The following ASB3 variants were observed in gnomAD, a reference collection of about 807,000 sequenced individuals.
ASB3 encodes ankyrin repeat and SOCS box protein 3.
Under a neutral mutation model 54.5 loss-of-function variants are expected in ASB3, and 41 were observed. The ratio of observed to expected loss-of-function variants is 0.75; its 90% CI spans 0.59 to 0.98. The LOEUF is 0.98. Ranked by LOEUF, ASB3 falls within the 50% of genes least tolerant of loss-of-function variation. The pLI, the probability that ASB3 is intolerant of heterozygous loss-of-function variation, is 0.00. For missense variants in ASB3, 733 were observed against 620.0 expected (o/e 1.18, Z -1.94); for synonymous variants, 266 against 221.2 (o/e 1.20, Z -1.80).
intron 3 of ASB3, among the ~76,000 whole-genome samples, chr2:53,742,307 T>C (rs1392210009): frequency 6.6e-6 from 1 of 151,976 alleles, no homozygotes; most frequent in Non-Finnish European, 1.5e-5. Flanking sequence ...ATTATAAACC[T>C]CCTGAAAGCA....
chr2:53,728,948 A>G, intron 4 of ASB3, 101 bp from the exon 5 acceptor site: 2 of 1,338,862 alleles, frequency 1.5e-6, no homozygotes, highest in Non-Finnish European at 2.0e-6. Flanking sequence ...CCTCTCACTA[A>G]AGGATAACTT....
intron 7 of ASB3, among the ~76,000 whole-genome samples, chr2:53,713,150 G>A (rs191316498): frequency 1.3e-5 from 2 of 152,292 alleles, no homozygotes; most frequent in Admixed American, 1.3e-4. Context: ...GACCAGGCTG[G>A]TGAAACCCTA....
Position 53,721,083 on chromosome 2 carries a change from A to C in ASB3, c.605-4340T>G, listed in dbSNP as rs2103867455. Among the ~76,000 whole-genome samples the C allele has an allele frequency of 2.0e-5, 3 of 151,574 alleles. No individual in the cohort carries two copies. In the South Asian group the frequency reaches 6.3e-4, roughly 32 times the overall value. On this transcript the variant is annotated intron_variant, in intron 5 of 9. Coordinates refer to ENST00000263634, the MANE Select transcript of ASB3 (RefSeq NM_016115.5). Reference sequence around the variant, plus strand: ...CAGTGAGCCAAGATCATGCCACTGCACTCCAGTCTGGGTACAGAGCAAGAC... The same window carrying C: ...CAGTGAGCCAAGATCATGCCACTGCCCTCCAGTCTGGGTACAGAGCAAGAC...
intron 2 of ASB3, among the ~76,000 whole-genome samples, chr2:53,752,926 T>C (rs912677083): frequency 1.3e-5 from 2 of 152,034 alleles, no homozygotes; most frequent in Non-Finnish European, 2.9e-5. Context: ...AACTTTCTCT[T>C]GTAAAGTAGA....
intron 5 of ASB3, among the ~76,000 whole-genome samples, chr2:53,721,285 T>C (rs117995671): frequency 0.057 from 8,603 of 150,152 alleles, 454 homozygotes; most frequent in East Asian, 0.28. Flanking sequence ...CTGGGCACAG[T>C]GGTTCACGCC....
intron 7 of ASB3, among the ~76,000 whole-genome samples, chr2:53,711,662 T>G (rs564856537): frequency 3.9e-4 from 59 of 152,174 alleles, no homozygotes; most frequent in Non-Finnish European, 7.1e-4. Flanking sequence ...CAATCCCAGC[T>G]ACTTGGGTGG....
intron 1 of ASB3, among the ~76,000 whole-genome samples, chr2:53,781,676 G>A (rs1228297666): frequency 6.6e-6 from 1 of 151,692 alleles, no homozygotes; most frequent in Admixed American, 6.6e-5. Context: ...TCTATTTTCA[G>A]GAGAGACAGG....
intron 7 of ASB3, among the ~76,000 whole-genome samples, chr2:53,701,614 T>C (rs1045350634): frequency 6.6e-6 from 1 of 152,098 alleles, no homozygotes; most frequent in African/African-American, 2.4e-5. Flanking sequence ...AAAAATACTC[T>C]CCAGTGAAAA....
chr2:53,754,924 C>T (rs1369872062), intron 2 of ASB3, among the ~76,000 whole-genome samples: 3 of 152,170 alleles, frequency 2.0e-5, no homozygotes, highest in Non-Finnish European at 2.9e-5. Context: ...TGAGTTTTAG[C>T]AAAGGGATCT....
chr2:53,762,334 G>A (rs111402812), intron 2 of ASB3, among the ~76,000 whole-genome samples: 2,643 of 152,270 alleles, frequency 0.017, 42 homozygotes, highest in Middle Eastern at 0.037. Context: ...CTATCTAACA[G>A]ATGAAAAAAC....
chr2:53,749,870 T>G (rs188179244), intron 3 of ASB3, among the ~76,000 whole-genome samples: 2 of 152,188 alleles, frequency 1.3e-5, no homozygotes, highest in African/African-American at 2.4e-5. Flanking sequence ...CATTACAGAA[T>G]TTTATGAATA....
At position 53,716,551 on chromosome 2, in the gene ASB3, GT is replaced by G; in HGVS notation, c.782+14del. On this transcript the variant is annotated intron_variant, in intron 6 of 9. Transcript: ENST00000263634. ...GATTAAGAGACCATGTTTATTTTCT[GT>G]TTTTAACACTTACTTTGTATGGCCC... 6.2e-7 allele frequency: 1 copy of G among 1,606,184 alleles called. No homozygotes were observed. The highest frequency in any genetic ancestry group is 8.5e-7 in the Non-Finnish European group (1 of 1,174,764).
intron 3 of ASB3, among the ~76,000 whole-genome samples, chr2:53,735,377 C>G (rs1469397582): frequency 6.6e-6 from 1 of 151,792 alleles, no homozygotes; most frequent in Admixed American, 6.6e-5. Context: ...ATTCTATCAG[C>G]CCCTTAAAAT....
At chr2:53,671,247 T>C (rs1355767598) in intron 9 of ASB3, among the ~76,000 whole-genome samples, 2 of 152,142 alleles carry the variant, frequency 1.3e-5, no homozygotes, top group African/African-American at 2.4e-5. Flanking sequence ...TCATGAAGTA[T>C]ATATTATCAG....
intron 1 of ASB3, among the ~76,000 whole-genome samples, chr2:53,781,918 A>G (rs1674671401): frequency 6.6e-6 from 1 of 152,214 alleles, no homozygotes; most frequent in Non-Finnish European, 1.5e-5. Flanking sequence ...TGCCTTGCCC[A>G]ATTTTTTCAA....
chr2:53,751,062 G>A, intron 2 of ASB3, 121 bp from the exon 3 acceptor site: 1 of 1,182,308 alleles, frequency 8.5e-7, no homozygotes. Flanking sequence ...ATAAATGACA[G>A]GTTTCACCAT....
chr2:53,693,400 A>C (rs72793643), intron 9 of ASB3, among the ~76,000 whole-genome samples: 1 of 152,132 alleles, frequency 6.6e-6, no homozygotes, highest in Non-Finnish European at 1.5e-5. Context: ...GCTTATCTCC[A>C]CAGTTATACC....
chr2:53,740,792 T>C (rs1275766755), intron 3 of ASB3, among the ~76,000 whole-genome samples: 5 of 152,196 alleles, frequency 3.3e-5, no homozygotes, highest in Admixed American at 3.3e-4. Context: ...AATGGCCAAT[T>C]AGACATCAGA....
intron 3 of ASB3, among the ~76,000 whole-genome samples, chr2:53,739,058 A>G (rs1671794455): frequency 6.6e-6 from 1 of 152,374 alleles, no homozygotes; most frequent in Non-Finnish European, 1.5e-5. Flanking sequence ...CTCTAATTGT[A>G]AATGCTTAAG....
Sources: gnomAD v4.1 joint callset for allele counts (sites outside exome capture counted in the v4.1 genomes callset) on GRCh38, gnomAD v4.1.1 for gene constraint, MANE v1.5 for transcripts, NCBI Gene and HGNC (gene_info 2026-07-23, HGNC 2026-07-21) for gene names.